PLB1: variants seen among roughly 807,000 people sequenced by gnomAD.
The protein encoded by PLB1 is phospholipase B1.
PLB1 carries 242 observed loss-of-function variants against 227.4 expected under a neutral mutation model. That is an observed-to-expected ratio of 1.06 (90% CI 0.96 to 1.18). The LOEUF (loss-of-function observed/expected upper bound fraction) is 1.18. Among genes scored for constraint, PLB1 ranks in the 50% most tolerant of loss-of-function variants. PLB1 has a pLI of 0.00. For synonymous variants in PLB1, 757 were observed against 682.2 expected (o/e 1.11, Z -1.71); for missense variants, 1,858 against 1,816.3 (o/e 1.02, Z -0.42).
At chr2:28,607,362 C>G (rs1684833325) in intron 43 of PLB1, among the ~76,000 whole-genome samples, 1 of 152,252 alleles carries the variant, frequency 6.6e-6, no homozygotes, top group Middle Eastern at 3.4e-3. Flanking sequence ...ACCTGCAGCT[C>G]CCCCATGTGT....
intron 56 of PLB1, among the ~76,000 whole-genome samples, chr2:28,638,827 GAAAAAAA>G (rs35972276): frequency 1.9e-4 from 12 of 63,612 alleles, no homozygotes; most frequent in South Asian, 5.5e-4. Flanking sequence ...GCTGGAGATT[GAAAAAAA>G]AAAAAAAAAA....
At chr2:28,603,720 C>T (rs1219684303) in intron 39 of PLB1, among the ~76,000 whole-genome samples, 1 of 152,240 alleles carries the variant, frequency 6.6e-6, no homozygotes, top group African/African-American at 2.4e-5. Context: ...CAGTCCAACA[C>T]TTGTGCTCTG....
At chr2:28,519,795 C>T (rs544966249) in intron 4 of PLB1, 32 bp downstream of exon 4, 1 of 1,576,284 alleles carries the variant, frequency 6.3e-7, no homozygotes, top group Non-Finnish European at 8.7e-7. Flanking sequence ...GGGCAGGAGA[C>T]AGAGTTTGGT....
At chr2:28,615,359 C>T (rs1427939054) in intron 44 of PLB1, among the ~76,000 whole-genome samples, 2 of 152,176 alleles carry the variant, frequency 1.3e-5, no homozygotes, top group African/African-American at 2.4e-5. Flanking sequence ...TTGGCGGTCT[C>T]AGGAGAGAGT....
intron 9 of PLB1, 140 bp from the exon 10 acceptor site, chr2:28,538,179 T>A: frequency 1.1e-6 from 1 of 950,846 alleles, no homozygotes; most frequent in Non-Finnish European, 1.7e-6. Context: ...AATTCTGTCC[T>A]CCTTTGTGGA....
At chr2:28,568,070 G>A (rs759377039) in intron 20 of PLB1, among the ~76,000 whole-genome samples, 1 of 152,180 alleles carries the variant, frequency 6.6e-6, no homozygotes, top group Non-Finnish European at 1.5e-5. Flanking sequence ...GAGCTGAGCA[G>A]ACTTCACTTT....
intron 25 of PLB1, among the ~76,000 whole-genome samples, chr2:28,584,321 C>T (rs1680545470): frequency 6.6e-6 from 1 of 152,254 alleles, no homozygotes; most frequent in Non-Finnish European, 1.5e-5. Context: ...CACAGGTCCC[C>T]TGGAGAAGGC....
intron 14 of PLB1, among the ~76,000 whole-genome samples, chr2:28,544,553 G>A (rs138248331): frequency 8.5e-4 from 130 of 152,324 alleles, no homozygotes; most frequent in Middle Eastern, 3.4e-3. Flanking sequence ...CACCAAATGT[G>A]GCTTCTGTTC....
In PLB1 at chr2:28,496,125, G is replaced by T. The variant is rs367544358; in HGVS notation, c.11G>T (p.Arg4Leu). The change falls in exon 1 of 58, where the codon CGG (arginine) becomes CTG (leucine). Residue 4 changes from arginine to leucine, a missense_variant. By Grantham distance (102) the Arg-to-Leu change is moderately radical. Coordinates refer to ENST00000327757, the MANE Select transcript of PLB1 (RefSeq NM_153021.5). The part of the protein sequence containing the change: MGL[R>L]PGIFLLELLL... ...CTGGAGCATTCTGGCATGGGGCTGC[G>T]GCCAGGCATTTTCCTCCTGGAGCTG... 5 of 1,613,964 alleles carry T rather than the reference G, an allele frequency of 3.1e-6. No homozygotes were observed. The highest frequency in any genetic ancestry group is 1.3e-5 in the African/African-American group (1 of 74,908).
At chr2:28,629,654 T>C (rs755954054) in intron 53 of PLB1, among the ~76,000 whole-genome samples, 27 of 152,146 alleles carry the variant, frequency 1.8e-4, no homozygotes, top group Admixed American at 5.9e-4. Flanking sequence ...AAGGTAGATG[T>C]GAGGTCAAGA....
At chr2:28,637,163 C>A (rs1269962617) in intron 56 of PLB1, among the ~76,000 whole-genome samples, 1 of 151,938 alleles carries the variant, frequency 6.6e-6, no homozygotes, top group East Asian at 1.9e-4. Context: ...CGTGGTGGCA[C>A]GTGCCTATAA....
intron 44 of PLB1, 47 bp from the exon 45 acceptor site, chr2:28,617,680 C>G (rs749859356): frequency 1.9e-6 from 3 of 1,579,866 alleles, no homozygotes; most frequent in Non-Finnish European, 2.6e-6. Context: ...GCTTATCTCC[C>G]TGCACAATGA....
intron 23 of PLB1, among the ~76,000 whole-genome samples, chr2:28,581,343 C>T (rs191243297): frequency 6.6e-5 from 10 of 151,832 alleles, no homozygotes; most frequent in African/African-American, 2.2e-4. Context: ...AAAAAGAGAT[C>T]GGGCCATAGG....
chr2:28,496,167 A>C lies in PLB1; in HGVS notation c.53A>C (p.Gln18Pro). Residue 18 changes from glutamine to proline, a missense_variant and splice_region_variant, in exon 1 of 58, where the codon CAA becomes CCA. Gln to Pro is a moderately conservative substitution (Grantham distance 76, BLOSUM62 -1). Transcript: ENST00000327757. The part of the protein sequence containing the change: ...FLLELLLLLG[Q>P]GTPQIHTSPR... ...CTGGAGCTGCTGCTGCTTCTGGGGCAAGGTAAGCGTGCCTTTTGCTCAGAG... is the reference window on the plus strand; with the variant it reads ...CTGGAGCTGCTGCTGCTTCTGGGGCCAGGTAAGCGTGCCTTTTGCTCAGAG... The C allele has an allele frequency of 6.2e-7, 1 of 1,613,972 alleles. No individual in the cohort carries two copies.
At chr2:28,602,597 C>T (rs549706530) in intron 38 of PLB1, among the ~76,000 whole-genome samples, 1 of 152,358 alleles carries the variant, frequency 6.6e-6, no homozygotes, top group Admixed American at 6.5e-5. Context: ...TGTCCCACTC[C>T]AGGAGGTGCC....
At position 28,561,889 on chromosome 2, in the gene PLB1, CAA is replaced by C. The variant is rs1185436845; in HGVS notation, c.1148-1149_1148-1148del. ...CAGGTGACACAGTGAGACTTTGTCT[CAA>C]AAGATAAAAATAAAATGAATGTATT... On this transcript the variant is annotated intron_variant, in intron 17 of 57. Coordinates refer to ENST00000327757, the MANE Select transcript of PLB1 (RefSeq NM_153021.5). Among the ~76,000 whole-genome samples the C allele has an allele frequency of 2.7e-5, 4 of 149,968 alleles. No individual in the cohort carries two copies. In the Admixed American group the frequency reaches 2.7e-4, roughly 10 times the overall value.
chr2:28,562,901 A>T, intron 17 of PLB1, 140 bp from the exon 18 acceptor site: 1 of 764,956 alleles, frequency 1.3e-6, no homozygotes, highest in Non-Finnish European at 2.2e-6. Context: ...GGTTTTTCCT[A>T]TCTTTTATCC....
Position 28,518,550 on chromosome 2 carries a change from A to G in PLB1, c.184+18A>G, listed in dbSNP as rs769306786. The G allele has an allele frequency of 1.3e-6, 2 of 1,596,896 alleles. No individual in the cohort carries two copies. Among genetic ancestry groups the G allele is most frequent in the Non-Finnish European group, 1.7e-6 (2 of 1,164,508 alleles). ...TAAATCAGGTATGTAACCCTTGGCC[A>G]TGAGCAGGAAAAGCCTGGCGTTTTC... is the stretch of plus-strand genomic sequence containing the variant. On this transcript the variant is annotated intron_variant, in intron 3 of 57. Coordinates refer to ENST00000327757, the MANE Select transcript of PLB1 (RefSeq NM_153021.5).
chr2:28,496,927 T>C (rs1666520928), intron 1 of PLB1, among the ~76,000 whole-genome samples: 1 of 151,858 alleles, frequency 6.6e-6, no homozygotes, highest in African/African-American at 2.4e-5. Context: ...CCAGAGAGAG[T>C]GGAGGAGGCA....
Sources: gnomAD v4.1 joint callset for allele counts (sites outside exome capture counted in the v4.1 genomes callset) on GRCh38, gnomAD v4.1.1 for gene constraint, MANE v1.5 for transcripts, NCBI Gene and HGNC (gene_info 2026-07-23, HGNC 2026-07-21) for gene names.